RNLS: variants seen among roughly 807,000 people sequenced by gnomAD.
RNLS encodes renalase.
In RNLS, 39 loss-of-function variants were observed where a neutral mutation model predicts 39.8. The ratio of observed to expected loss-of-function variants is 0.98; its 90% CI spans 0.76 to 1.28. The LOEUF (loss-of-function observed/expected upper bound fraction) is 1.28. Ranked by LOEUF, RNLS falls within the 50% of genes most tolerant of loss-of-function variation. The pLI, the probability that RNLS is intolerant of heterozygous loss-of-function variation, is 0.00. For synonymous variants in RNLS, 147 were observed against 150.7 expected, an observed-to-expected ratio of 0.98 and a Z score of 0.18; for missense variants, 410 against 413.3, an observed-to-expected ratio of 0.99 and a Z score of 0.07.
intron 6 of RNLS, among the ~76,000 whole-genome samples, chr10:88,288,848 CA>C (rs1843467183): frequency 2.6e-5 from 4 of 152,162 alleles, no homozygotes; most frequent in Admixed American, 1.3e-4. Context: ...AAACATGGAG[CA>C]TGTATTGGCA....
intron 3 of RNLS, 85 bp downstream of exon 3, chr10:88,581,482 T>C: frequency 8.6e-7 from 1 of 1,160,044 alleles, no homozygotes; most frequent in Non-Finnish European, 1.2e-6. Flanking sequence ...TATAATTTCC[T>C]GTATAGTATT....
At chr10:88,283,068 G>C (rs1843081806), downstream of RNLS, among the ~76,000 whole-genome samples, 1 of 152,154 alleles carries the variant, frequency 6.6e-6, no homozygotes, top group Non-Finnish European at 1.5e-5. Context: ...TCTACCTGGT[G>C]CTGACTCCCA....
chr10:88,455,226 T>G (rs1443942667), intron 4 of RNLS, among the ~76,000 whole-genome samples: 1 of 151,616 alleles, frequency 6.6e-6, no homozygotes, highest in African/African-American at 2.4e-5. Context: ...ATGTATCTCT[T>G]GCAGGTTGAT....
In RNLS at chr10:88,424,708, A is replaced by G. The variant is rs80114573; in HGVS notation, c.527-61983T>C. ...TCTAGCCTCCATATAATGCTGACAC[A>G]TTACTCAGATGATAGTAAATACACG... On this transcript the variant is annotated intron_variant, in intron 4 of 6. Transcript: ENST00000331772. Among the ~76,000 whole-genome samples the G allele has an allele frequency of 2.4e-3, 364 of 152,312 alleles. 1 individual carries two copies. The highest frequency in any genetic ancestry group is 4.2e-3 in the Non-Finnish European group (288 of 68,014).
At chr10:88,336,322 G>A (rs1442782323) in intron 5 of RNLS, among the ~76,000 whole-genome samples, 1 of 152,186 alleles carries the variant, frequency 6.6e-6, no homozygotes, top group Admixed American at 6.5e-5. Flanking sequence ...TTAAATAAAG[G>A]CTAGGAAGGG....
chr10:88,581,315 T>C lies in RNLS; in HGVS notation c.367+252A>G, dbSNP rs369937508. Among the ~76,000 whole-genome samples, 54 of 147,600 alleles carry C rather than the reference T, an allele frequency of 3.7e-4. No individual in the cohort carries two copies. The East Asian group carries it at 6.8e-3, about 19-fold the overall frequency. ...GTGTGTATATATATATATATATATA[T>C]ACATCTATAATATCTATATTATAGA... On this transcript the variant is annotated intron_variant, in intron 3 of 6. Coordinates refer to ENST00000331772, the MANE Select transcript of RNLS (RefSeq NM_001031709.3).
intron 5 of RNLS, chr10:88,343,934 T>TA (rs1203679960): frequency 6.6e-6 from 3 of 451,588 alleles, no homozygotes; most frequent in African/African-American, 6.4e-5. Flanking sequence ...CCACAATGCC[T>TA]AAAAAAGCCC....
At chr10:88,404,799 G>C (rs1458095551) in intron 4 of RNLS, among the ~76,000 whole-genome samples, 1 of 152,052 alleles carries the variant, frequency 6.6e-6, no homozygotes, top group Non-Finnish European at 1.5e-5. Context: ...TAGGTATTAA[G>C]TGAAATACAG....
intron 5 of RNLS, among the ~76,000 whole-genome samples, chr10:88,324,064 T>C (rs1271361580): frequency 6.6e-6 from 1 of 152,090 alleles, no homozygotes; most frequent in East Asian, 1.9e-4. Context: ...ATGGCTATTA[T>C]TAAAAAGTCA....
chr10:88,565,747 C>CT lies in RNLS; in HGVS notation c.526+7155dup, dbSNP rs34655092. ...TTAAAACAGTGTCAACGTTATCTTT[C>CT]TTTTTTTTTTTTTTTTTTTTTGAGA... On this transcript the variant is annotated intron_variant, in intron 4 of 6. Coordinates refer to ENST00000331772, the MANE Select transcript of RNLS (RefSeq NM_001031709.3). Among the ~76,000 whole-genome samples the CT allele has an allele frequency of 4.7e-3, 464 of 97,972 alleles. 6 individuals carry two copies. The highest frequency in any genetic ancestry group is 0.013 in the East Asian group (49 of 3,758). The allele number at this position is 97,972 out of a possible 152,430, so 64.3% of individuals were successfully genotyped here. A position where few individuals can be genotyped will look rare whatever the true frequency, so the allele number is the denominator to read the frequency against.
At chr10:88,337,139 T>A (rs2133198661) in intron 5 of RNLS, among the ~76,000 whole-genome samples, 1 of 152,302 alleles carries the variant, frequency 6.6e-6, no homozygotes, top group Admixed American at 6.5e-5. Flanking sequence ...TTGGGTCTCA[T>A]GAAGGGGCTC....
intron 4 of RNLS, among the ~76,000 whole-genome samples, chr10:88,520,574 G>A (rs1435852087): frequency 6.6e-6 from 1 of 152,018 alleles, no homozygotes; most frequent in African/African-American, 2.4e-5. Flanking sequence ...GATGATTGAG[G>A]TAGTAAGAGG....
intron 4 of RNLS, among the ~76,000 whole-genome samples, chr10:88,369,536 T>C (rs1481523575): frequency 4.6e-5 from 7 of 152,160 alleles, no homozygotes; most frequent in Non-Finnish European, 8.8e-5. Flanking sequence ...CCAACTCTCA[T>C]GGGGCATTGA....
chr10:88,223,088 T>G, the RNLS span, among the ~76,000 whole-genome samples: 1 of 152,244 alleles, frequency 6.6e-6, no homozygotes, highest in Non-Finnish European at 1.5e-5. Flanking sequence ...AGAAAGGTTA[T>G]GTAATTTGCC....
downstream of RNLS, among the ~76,000 whole-genome samples, chr10:88,279,708 A>G (rs1842941617): frequency 6.6e-6 from 1 of 152,206 alleles, no homozygotes; most frequent in Admixed American, 6.5e-5. Context: ...AATTCTTTGC[A>G]TTCAGCACAT....
chr10:88,359,615 C>T (rs142754998), intron 5 of RNLS, among the ~76,000 whole-genome samples: 364 of 152,332 alleles, frequency 2.4e-3, no homozygotes, highest in African/African-American at 8.2e-3. Flanking sequence ...GTGGCACCAC[C>T]ATGGGCTTTA....
At chr10:88,223,777 C>T in the RNLS span, among the ~76,000 whole-genome samples, 3,138 of 152,208 alleles carry the variant, frequency 0.021, 32 homozygotes, top group Middle Eastern at 0.051. Context: ...GCACCTCTAC[C>T]GTGACCTGAA....
Position 88,285,216 on chromosome 10 carries a change from C to T in RNLS, c.*138G>A, listed in dbSNP as rs1843181354. 2.9e-6 allele frequency: 4 copies of T among 1,363,514 alleles called. No homozygotes were observed. Among genetic ancestry groups the T allele is most frequent in the South Asian group, 1.9e-5 (1 of 52,846 alleles). The allele number at this position is 1,363,514 out of a possible 1,614,324, so 84.5% of individuals were successfully genotyped here. Reference sequence around the variant, plus strand: ...TCAAAATTACAAAATTGATTTTATACTCCACATGAAAAATGATAATAAGTG... The same window carrying T: ...TCAAAATTACAAAATTGATTTTATATTCCACATGAAAAATGATAATAAGTG... On this transcript the variant is annotated 3_prime_UTR_variant, in exon 7 of 7. Coordinates refer to ENST00000331772, the MANE Select transcript of RNLS (RefSeq NM_001031709.3).
intron 5 of RNLS, among the ~76,000 whole-genome samples, chr10:88,354,620 G>C (rs1086835): frequency 0.84 from 127,704 of 152,176 alleles, 53,727 homozygotes; most frequent in African/African-American, 0.88. Context: ...GAGGGTAACC[G>C]GACCTTTCTC....
Sources: gnomAD v4.1 joint callset for allele counts (sites outside exome capture counted in the v4.1 genomes callset) on GRCh38, gnomAD v4.1.1 for gene constraint, MANE v1.5 for transcripts, NCBI Gene and HGNC (gene_info 2026-07-23, HGNC 2026-07-21) for gene names.